RNF13: variants seen among roughly 807,000 people sequenced by gnomAD.
RNF13 encodes the protein E3 ubiquitin-protein ligase RNF13.
Under a neutral mutation model 37.7 loss-of-function variants are expected in RNF13, and 19 were observed. The observed-to-expected ratio is 0.50, with a 90% CI of 0.35 to 0.74. The LOEUF is 0.74. Ranked by LOEUF, RNF13 falls within the 30% of genes least tolerant of loss-of-function variation. The pLI, the probability that RNF13 is intolerant of heterozygous loss-of-function variation, is 0.01. For missense variants in RNF13, 375 were observed against 453.0 expected (o/e 0.83, Z 1.56); for synonymous variants, 144 against 157.8 (o/e 0.91, Z 0.65).
At chr3:149,859,578 A>G (rs1295529541) in intron 3 of RNF13, among the ~76,000 whole-genome samples, 1 of 152,076 alleles carries the variant, frequency 6.6e-6, no homozygotes, top group African/African-American at 2.4e-5. Context: ...TTCTCATTGC[A>G]TTACTGGGCA....
chr3:149,908,956 T>A (rs1424734600), intron 6 of RNF13, among the ~76,000 whole-genome samples: 6 of 152,200 alleles, frequency 3.9e-5, no homozygotes, highest in Non-Finnish European at 8.8e-5. Context: ...TGATCAAATC[T>A]TAGCTGCAGA....
At chr3:149,921,581 T>A (rs1336284259) in intron 8 of RNF13, among the ~76,000 whole-genome samples, 1 of 152,192 alleles carries the variant, frequency 6.6e-6, no homozygotes, top group African/African-American at 2.4e-5. Flanking sequence ...GATATTTTGC[T>A]GAGAATGATG....
chr3:149,947,908 A>G (rs564758968), intron 8 of RNF13, among the ~76,000 whole-genome samples: 1 of 152,032 alleles, frequency 6.6e-6, no homozygotes, highest in Non-Finnish European at 1.5e-5. Context: ...TCTCATTTGC[A>G]TAGGATATCT....
At chr3:149,835,818 G>A (rs749847993) in intron 1 of RNF13, among the ~76,000 whole-genome samples, 1 of 151,336 alleles carries the variant, frequency 6.6e-6, no homozygotes, top group Admixed American at 6.6e-5. Flanking sequence ...TTTCTCCTGG[G>A]TTGGGATTGC....
At position 149,813,269 on chromosome 3, in the gene RNF13, A is replaced by G. The variant is rs191234110; in HGVS notation, c.-101A>G. On this transcript the variant is annotated 5_prime_UTR_variant, in exon 1 of 10. In the 5' UTR this introduces an upstream ATG that the reference lacks. Coordinates refer to ENST00000392894, the MANE Select transcript of RNF13 (RefSeq NM_183381.3). ...CCGGGCTGTGGGGGTCGGTGCGGAT[A>G]TTCAGTCATGAAATCAGGGTAGGGA... is the stretch of plus-strand genomic sequence containing the variant. The G allele has an allele frequency of 6.6e-6, 1 of 152,352 alleles. No homozygotes were observed. The highest frequency in any genetic ancestry group is 2.4e-5 in the African/African-American group (1 of 41,542). The allele number at this position is 152,352 out of a possible 1,614,324, so 9.4% of individuals were successfully genotyped here. A position where few individuals can be genotyped will look rare whatever the true frequency, so the allele number is the denominator to read the frequency against.
At chr3:149,895,391 G>A in intron 4 of RNF13, 82 bp from the exon 5 acceptor site, 1 of 797,136 alleles carries the variant, frequency 1.3e-6, no homozygotes, top group Non-Finnish European at 2.0e-6. Flanking sequence ...ATTTACTTCA[G>A]TAAGTTTTTA....
chr3:149,938,854 C>T (rs1215036422), intron 8 of RNF13: 2 of 286,420 alleles, frequency 7.0e-6, no homozygotes, highest in African/African-American at 2.2e-5. Flanking sequence ...ACATTCTTGG[C>T]AATAGAGCCT....
intron 7 of RNF13, among the ~76,000 whole-genome samples, chr3:149,920,178 T>C (rs1235400350): frequency 6.6e-6 from 1 of 152,190 alleles, no homozygotes; most frequent in Non-Finnish European, 1.5e-5. Flanking sequence ...GCAAATATTT[T>C]ATTTCAGTCT....
intron 6 of RNF13, among the ~76,000 whole-genome samples, chr3:149,909,542 C>T (rs188316505): frequency 3.5e-3 from 528 of 151,380 alleles, no homozygotes; most frequent in African/African-American, 0.012. Flanking sequence ...ATCCACCCAC[C>T]GTGGCCTCCC....
At chr3:149,889,196 C>T (rs1433978102) in intron 4 of RNF13, among the ~76,000 whole-genome samples, 1 of 151,418 alleles carries the variant, frequency 6.6e-6, no homozygotes, top group African/African-American at 2.4e-5. Context: ...CTCAGCCTCC[C>T]AAAGTGCTGG....
Position 149,836,955 on chromosome 3 carries a change from A to C in RNF13, c.-16-9056A>C, listed in dbSNP as rs1412079327. On this transcript the variant is annotated intron_variant, in intron 1 of 9. Transcript: ENST00000392894. ...TTAGAGTAGTTGAATTTATAGAAACAGAAAATAAAATTGTGCTTGCCAATG... is the reference window on the plus strand; with the variant it reads ...TTAGAGTAGTTGAATTTATAGAAACCGAAAATAAAATTGTGCTTGCCAATG... 3.3e-5 allele frequency among the ~76,000 whole-genome samples: 5 copies of C among 152,360 alleles called. No individual in the cohort carries two copies. The East Asian group carries it at 9.6e-4, about 29-fold the overall frequency.
At chr3:149,842,120 T>A (rs1722241133) in intron 1 of RNF13, among the ~76,000 whole-genome samples, 2 of 152,172 alleles carry the variant, frequency 1.3e-5, no homozygotes, top group African/African-American at 4.8e-5. Context: ...CCCTCAGAGT[T>A]TTTTAGTCCT....
chr3:149,863,628 C>T lies in RNF13; in HGVS notation c.196-8401C>T, dbSNP rs149042771. On this transcript the variant is annotated intron_variant, in intron 3 of 9. Transcript: ENST00000392894. ...CTCCTGACCTCAGGTGATCTGCCTGCCTTGGCCTCCCAAAGTACTGGGATT... is the reference window on the plus strand; with the variant it reads ...CTCCTGACCTCAGGTGATCTGCCTGTCTTGGCCTCCCAAAGTACTGGGATT... Among the ~76,000 whole-genome samples, 21 of 152,290 alleles carry T rather than the reference C, an allele frequency of 1.4e-4. No homozygotes were observed. The East Asian group carries it at 3.9e-3, about 28-fold the overall frequency.
intron 4 of RNF13, among the ~76,000 whole-genome samples, chr3:149,891,122 A>G (rs745803443): frequency 7.9e-5 from 12 of 152,294 alleles, no homozygotes; most frequent in Non-Finnish European, 1.2e-4. Context: ...ATGCTTCTCT[A>G]TCTAACCTGA....
chr3:149,948,635 C>T (rs893803171), intron 8 of RNF13, among the ~76,000 whole-genome samples: 9 of 152,222 alleles, frequency 5.9e-5, no homozygotes, highest in African/African-American at 2.2e-4. Flanking sequence ...AAACCATGAT[C>T]CTTGTCTCTC....
At chr3:149,832,307 A>T (rs1721139343) in intron 1 of RNF13, among the ~76,000 whole-genome samples, 1 of 152,156 alleles carries the variant, frequency 6.6e-6, no homozygotes, top group South Asian at 2.1e-4. Context: ...CATGAGTGTT[A>T]TTTGGCAGTG....
intron 8 of RNF13, among the ~76,000 whole-genome samples, chr3:149,954,787 G>A (rs1008325102): frequency 6.6e-5 from 10 of 152,086 alleles, no homozygotes; most frequent in African/African-American, 1.9e-4. Context: ...TAGCCTTTTA[G>A]TTGTTTTCTT....
In RNF13 at chr3:149,891,371, G is replaced by A. The variant is rs927765602; in HGVS notation, c.322-4102G>A. Among the ~76,000 whole-genome samples the A allele has an allele frequency of 1.4e-4, 21 of 152,176 alleles. 1 individual carries two copies. Among genetic ancestry groups the A allele is most frequent in the Non-Finnish European group, 2.9e-5 (2 of 68,018 alleles). ...TATAAGGCATGTTTTATTAGTGTCA[G>A]TATTATAAATTTGTTCAGGCTAGAA... is the stretch of plus-strand genomic sequence containing the variant. On this transcript the variant is annotated intron_variant, in intron 4 of 9. Transcript: ENST00000392894.
chr3:149,884,660 G>T (rs1713808164), intron 4 of RNF13, among the ~76,000 whole-genome samples: 1 of 151,806 alleles, frequency 6.6e-6, no homozygotes, highest in Admixed American at 6.6e-5. Flanking sequence ...TAGGATACAT[G>T]ACATTTTTTG....
Sources: gnomAD v4.1 joint callset for allele counts (sites outside exome capture counted in the v4.1 genomes callset) on GRCh38, gnomAD v4.1.1 for gene constraint, MANE v1.5 for transcripts, NCBI Gene and HGNC (gene_info 2026-07-23, HGNC 2026-07-21) for gene names.